Variants in EXOC4 observed in about 807,000 individuals in gnomAD.
The protein encoded by EXOC4 is exocyst complex component 4.
A neutral mutation model predicts 107.2 loss-of-function variants in EXOC4; 71 were observed. That is an observed-to-expected ratio of 0.66 (90% CI 0.55 to 0.81). EXOC4 has a LOEUF of 0.81. EXOC4 is among the 30% of genes least tolerant of loss of function. The pLI, the probability that EXOC4 is intolerant of heterozygous loss-of-function variation, is 0.00. For synonymous variants in EXOC4, 456 were observed against 441.2 expected (o/e 1.03, Z -0.42); for missense variants, 1,108 against 1,189.6 (o/e 0.93, Z 1.01).
chr7:133,503,280 T>TA (rs1429391328), intron 9 of EXOC4, among the ~76,000 whole-genome samples: 1 of 152,134 alleles, frequency 6.6e-6, no homozygotes, highest in African/African-American at 2.4e-5. Context: ...GGAGTTATTT[T>TA]AAAAAACATC....
At chr7:133,566,944 C>T (rs773478277) in intron 9 of EXOC4, among the ~76,000 whole-genome samples, 3 of 152,056 alleles carry the variant, frequency 2.0e-5, no homozygotes, top group Admixed American at 6.6e-5. Context: ...CAGAATCATA[C>T]AGAATGTCAA....
At chr7:133,631,995 T>C (rs1262573202) in intron 10 of EXOC4, among the ~76,000 whole-genome samples, 2 of 152,164 alleles carry the variant, frequency 1.3e-5, no homozygotes, top group African/African-American at 2.4e-5. Context: ...GTGTTGTCAG[T>C]AACCACTTTT....
the EXOC4 span, among the ~76,000 whole-genome samples, chr7:134,078,765 A>T: frequency 6.6e-6 from 1 of 152,270 alleles, no homozygotes; most frequent in Non-Finnish European, 1.5e-5. Flanking sequence ...AGCACAAGGT[A>T]CTAGGCCTCT....
chr7:133,677,739 G>T (rs1264331276), intron 10 of EXOC4, among the ~76,000 whole-genome samples: 1 of 152,048 alleles, frequency 6.6e-6, no homozygotes, highest in Non-Finnish European at 1.5e-5. Context: ...ACCCAAACCT[G>T]CTAATCAATC....
chr7:133,360,146 A>G (rs933471758), intron 6 of EXOC4, among the ~76,000 whole-genome samples: 45 of 152,310 alleles, frequency 3.0e-4, no homozygotes, highest in African/African-American at 7.2e-4. Context: ...TTCAGAATCA[A>G]TTTCTTCAAC....
chr7:133,492,044 T>C (rs1584956420), intron 9 of EXOC4, among the ~76,000 whole-genome samples: 1 of 152,310 alleles, frequency 6.6e-6, no homozygotes, highest in Non-Finnish European at 1.5e-5. Context: ...TCGGTTTTTG[T>C]CCTGCGGGTG....
At chr7:133,403,585 T>C (rs1418659508) in intron 7 of EXOC4, among the ~76,000 whole-genome samples, 1 of 152,148 alleles carries the variant, frequency 6.6e-6, no homozygotes, top group Non-Finnish European at 1.5e-5. Context: ...GCAGCTGTAT[T>C]CTCCATTTCA....
chr7:134,002,458 A>G (rs1794551426), intron 15 of EXOC4, among the ~76,000 whole-genome samples: 1 of 152,174 alleles, frequency 6.6e-6, no homozygotes, highest in African/African-American at 2.4e-5. Flanking sequence ...ATCCAAAAAT[A>G]AAAAAGTTAT....
At position 133,386,429 on chromosome 7, in the gene EXOC4, G is replaced by GC. The variant is rs112876873; in HGVS notation, c.1182+11428dup. The stretch of plus-strand genomic sequence containing the variant: ...TCTTGCTTTTATGAAGTGGCTGTCA[G>GC]CAGGGAGCACAAAGAGCTCTCTGGC... On this transcript the variant is annotated intron_variant, in intron 7 of 17. Coordinates refer to ENST00000253861, the MANE Select transcript of EXOC4 (RefSeq NM_021807.4). Among the ~76,000 whole-genome samples, 319 of 152,278 alleles carry GC rather than the reference G, an allele frequency of 2.1e-3. 2 individuals are homozygous for GC. Among genetic ancestry groups the GC allele is most frequent in the African/African-American group, 7.3e-3 (305 of 41,548 alleles).
chr7:133,579,862 A>G (rs1382704755), intron 9 of EXOC4, among the ~76,000 whole-genome samples: 1 of 151,484 alleles, frequency 6.6e-6, no homozygotes, highest in Non-Finnish European at 1.5e-5. Flanking sequence ...AATTTTTTGT[A>G]TTTTTAGTTG....
intron 11 of EXOC4, among the ~76,000 whole-genome samples, chr7:133,869,452 G>T (rs1165949658): frequency 6.6e-6 from 1 of 152,068 alleles, no homozygotes; most frequent in Non-Finnish European, 1.5e-5. Flanking sequence ...ATGAGATGAA[G>T]TCTTGTCCCT....
intron 7 of EXOC4, among the ~76,000 whole-genome samples, chr7:133,474,374 G>T (rs908229312): frequency 6.6e-6 from 1 of 152,016 alleles, no homozygotes; most frequent in Non-Finnish European, 1.5e-5. Context: ...GGAGTGCAGT[G>T]GCATGATCTC....
intron 8 of EXOC4, among the ~76,000 whole-genome samples, chr7:133,476,430 A>G (rs914699309): frequency 2.0e-5 from 3 of 152,184 alleles, no homozygotes; most frequent in Non-Finnish European, 4.4e-5. Context: ...GTGTCTGTAA[A>G]TATAAGCATG....
At chr7:134,040,952 A>G (rs1795501704) in intron 17 of EXOC4, among the ~76,000 whole-genome samples, 1 of 152,154 alleles carries the variant, frequency 6.6e-6, no homozygotes, top group Non-Finnish European at 1.5e-5. Context: ...CCTTGGCTGA[A>G]CTGTGACACA....
At chr7:133,792,970 C>T (rs201574573) in intron 10 of EXOC4, among the ~76,000 whole-genome samples, 1 of 152,128 alleles carries the variant, frequency 6.6e-6, no homozygotes, top group East Asian at 1.9e-4. Flanking sequence ...ACCTTCAGAA[C>T]ATCAGCAAGA....
chr7:133,772,753 G>T (rs955931729), intron 10 of EXOC4, among the ~76,000 whole-genome samples: 7 of 151,996 alleles, frequency 4.6e-5, no homozygotes, highest in African/African-American at 1.7e-4. Context: ...AAGGACATTT[G>T]AGTCTCAGAA....
chr7:133,810,924 C>T (rs1240004619), intron 10 of EXOC4, among the ~76,000 whole-genome samples: 2 of 152,056 alleles, frequency 1.3e-5, no homozygotes, highest in South Asian at 2.1e-4. Context: ...TGAGCTACCG[C>T]GCCCGGCCAG....
chr7:134,003,989 T>C (rs1046916534), intron 15 of EXOC4, among the ~76,000 whole-genome samples: 2 of 152,200 alleles, frequency 1.3e-5, no homozygotes, highest in Non-Finnish European at 2.9e-5. Flanking sequence ...GTCAGATATG[T>C]TCTGTGAGAC....
chr7:133,800,162 G>A (rs939492527), intron 10 of EXOC4, among the ~76,000 whole-genome samples: 13 of 151,566 alleles, frequency 8.6e-5, no homozygotes, highest in African/African-American at 3.2e-4. Flanking sequence ...GTGGCATTAA[G>A]TTAGGTAATG....
Sources: allele counts gnomAD v4.1 joint callset (sites outside exome capture counted in the v4.1 genomes callset), GRCh38; gene constraint gnomAD v4.1.1; transcripts MANE v1.5; gene names NCBI Gene and HGNC (gene_info 2026-07-23, HGNC 2026-07-21).